PAPSS1: variants seen among roughly 807,000 people sequenced by gnomAD.
PAPSS1 encodes bifunctional 3'-phosphoadenosine 5'-phosphosulfate synthase 1.
A neutral mutation model predicts 72.0 loss-of-function variants in PAPSS1; 50 were observed. The observed-to-expected ratio is 0.69, with a 90% CI of 0.55 to 0.88. PAPSS1 has a LOEUF of 0.88. Among genes scored for constraint, PAPSS1 ranks in the 40% least tolerant of loss-of-function variants. PAPSS1 has a pLI of 0.00. For missense variants in PAPSS1, 657 were observed against 782.2 expected, an observed-to-expected ratio of 0.84 and a Z score of 1.91; for synonymous variants, 261 against 263.6, an observed-to-expected ratio of 0.99 and a Z score of 0.09.
intron 7 of PAPSS1, among the ~76,000 whole-genome samples, chr4:107,655,628 A>G (rs888114577): frequency 6.6e-6 from 1 of 152,224 alleles, no homozygotes; most frequent in African/African-American, 2.4e-5. Flanking sequence ...TATTTGGACT[A>G]TTTATATACT....
chr4:107,644,017 T>C (rs1298682590), intron 10 of PAPSS1, among the ~76,000 whole-genome samples: 1 of 152,138 alleles, frequency 6.6e-6, no homozygotes, highest in Non-Finnish European at 1.5e-5. Context: ...AGAAGTCTAA[T>C]GTGAGATGGC....
intron 11 of PAPSS1, among the ~76,000 whole-genome samples, chr4:107,630,541 G>A (rs949649742): frequency 7.9e-5 from 12 of 152,200 alleles, no homozygotes; most frequent in Admixed American, 7.9e-4. Flanking sequence ...AGAACCGTGA[G>A]TCAATTAAAC....
chr4:107,649,427 A>G (rs564626118), intron 9 of PAPSS1, among the ~76,000 whole-genome samples: 1 of 152,334 alleles, frequency 6.6e-6, no homozygotes, highest in East Asian at 1.9e-4. Context: ...AGTCCCTGGA[A>G]CCTCAGCAAA....
At chr4:107,673,696 A>T (rs953081820) in intron 5 of PAPSS1, among the ~76,000 whole-genome samples, 2 of 152,206 alleles carry the variant, frequency 1.3e-5, no homozygotes, top group African/African-American at 4.8e-5. Context: ...AATACAGAGA[A>T]CACCACCAAG....
intron 3 of PAPSS1, among the ~76,000 whole-genome samples, chr4:107,692,218 CT>C (rs1722943415): frequency 6.6e-6 from 1 of 152,046 alleles, no homozygotes; most frequent in South Asian, 2.1e-4. Flanking sequence ...TAAAGAGCTT[CT>C]GCACAGAAAA....
chr4:107,656,864 T>C (rs1049172081), intron 7 of PAPSS1, 32 bp downstream of exon 7: 3 of 1,384,016 alleles, frequency 2.2e-6, no homozygotes, highest in Non-Finnish European at 3.1e-6. Context: ...CTCTTCCACA[T>C]ACAATATAAT....
At chr4:107,679,203 T>C (rs952837687) in intron 5 of PAPSS1, among the ~76,000 whole-genome samples, 4 of 152,036 alleles carry the variant, frequency 2.6e-5, no homozygotes, top group Admixed American at 1.3e-4. Context: ...TTCGCAGTCA[T>C]GAGCCTAGCA....
intron 6 of PAPSS1, 108 bp downstream of exon 6, chr4:107,659,851 C>A: frequency 3.2e-6 from 2 of 628,826 alleles, no homozygotes; most frequent in Non-Finnish European, 2.8e-6. Flanking sequence ...TCTTTGCCCC[C>A]CCAGCTAATA....
At chr4:107,642,408 C>T (rs902787324) in intron 10 of PAPSS1, among the ~76,000 whole-genome samples, 1 of 152,242 alleles carries the variant, frequency 6.6e-6, no homozygotes, top group African/African-American at 2.4e-5. Flanking sequence ...TCAGGTTCCT[C>T]ACCTGTGAAC....
intron 2 of PAPSS1, among the ~76,000 whole-genome samples, chr4:107,695,747 T>C (rs1387199665): frequency 6.6e-6 from 1 of 152,258 alleles, no homozygotes; most frequent in African/African-American, 2.4e-5. Flanking sequence ...GAGATAATCA[T>C]GTGGTTTTTG....
chr4:107,693,606 T>C (rs1722996862), intron 3 of PAPSS1, among the ~76,000 whole-genome samples, 165 bp downstream of exon 3: 1 of 152,150 alleles, frequency 6.6e-6, no homozygotes, highest in South Asian at 2.1e-4. Flanking sequence ...AGCATAGAAA[T>C]GTTTTAGGTT....
At chr4:107,621,567 A>G (rs576793649) in intron 11 of PAPSS1, among the ~76,000 whole-genome samples, 13 of 144,930 alleles carry the variant, frequency 9.0e-5, no homozygotes, top group South Asian at 6.8e-4. Flanking sequence ...CACCCTAGTT[A>G]GCCACAAAGA....
chr4:107,649,905 A>G (rs1022444505), intron 9 of PAPSS1, among the ~76,000 whole-genome samples: 4 of 152,254 alleles, frequency 2.6e-5, no homozygotes, highest in African/African-American at 9.6e-5. Context: ...CTTCCCCTCC[A>G]GGATACTGGT....
At chr4:107,684,960 C>T (rs942630075) in intron 4 of PAPSS1, among the ~76,000 whole-genome samples, 45 of 152,098 alleles carry the variant, frequency 3.0e-4, no homozygotes, top group African/African-American at 1.0e-3. Context: ...GGCTAGAGTG[C>T]AGTGGCACAA....
chr4:107,682,430 C>T (rs963753321), intron 4 of PAPSS1, among the ~76,000 whole-genome samples: 15 of 152,208 alleles, frequency 9.9e-5, no homozygotes, highest in Admixed American at 9.2e-4. Context: ...AACCAGAAGG[C>T]AAAGTGCTGC....
At chr4:107,700,547 T>C (rs1339382606) in intron 2 of PAPSS1, among the ~76,000 whole-genome samples, 1 of 152,236 alleles carries the variant, frequency 6.6e-6, no homozygotes, top group Non-Finnish European at 1.5e-5. Flanking sequence ...TCAAAGTTCA[T>C]GTGTTGGAAA....
At chr4:107,640,898 T>A (rs1000016999) in intron 10 of PAPSS1, among the ~76,000 whole-genome samples, 2 of 152,188 alleles carry the variant, frequency 1.3e-5, no homozygotes, top group African/African-American at 4.8e-5. Context: ...AACGTGCCTC[T>A]TAGTCTCCCT....
chr4:107,704,250 T>C lies in PAPSS1; in HGVS notation c.61-2965A>G, dbSNP rs56289564. Among the ~76,000 whole-genome samples, 456 of 152,362 alleles carry C rather than the reference T, an allele frequency of 3.0e-3. 3 individuals are homozygous for C. The highest frequency in any genetic ancestry group is 0.01 in the African/African-American group (418 of 41,590). ...TCTAACAGTCTTCTGGTGAAATCTT[T>C]AGGGTTTTCCATATTATTTAAAACC... On this transcript the variant is annotated intron_variant, in intron 1 of 11. Transcript: ENST00000265174.
chr4:107,670,713 T>C (rs1183703450), intron 5 of PAPSS1, among the ~76,000 whole-genome samples: 1 of 152,018 alleles, frequency 6.6e-6, no homozygotes, highest in African/African-American at 2.4e-5. Flanking sequence ...AAAAAAATTT[T>C]TGGAGACAAG....
Sources: allele counts gnomAD v4.1 joint callset (sites outside exome capture counted in the v4.1 genomes callset), GRCh38; gene constraint gnomAD v4.1.1; transcripts MANE v1.5; gene names NCBI Gene and HGNC (gene_info 2026-07-23, HGNC 2026-07-21).